ASPSCR1: variants seen among roughly 807,000 people sequenced by gnomAD.
ASPSCR1 encodes the protein ASPSCR1 tether for SLC2A4, UBX domain containing, also known as tether containing UBX domain for GLUT4.
In ASPSCR1, 55 loss-of-function variants were observed where a neutral mutation model predicts 68.9. The observed-to-expected ratio is 0.80, with a 90% confidence interval of 0.64 to 1.00. The LOEUF is 1.00. ASPSCR1 is among the 50% of genes least tolerant of loss of function. The pLI is 0.00. For missense variants in ASPSCR1, 765 were observed against 762.2 expected (o/e 1.00, Z -0.04); for synonymous variants, 352 against 332.6 (o/e 1.06, Z -0.63).
chr17:82,004,740 C>G (rs1477596486), intron 7 of ASPSCR1: 2 of 152,348 alleles, frequency 1.3e-5, no homozygotes, highest in African/African-American at 2.4e-5. Flanking sequence ...CACCCCTGTC[C>G]TCTGAGACCT....
chr17:81,988,806 A>G (rs578132790), intron 4 of ASPSCR1, among the ~76,000 whole-genome samples: 2 of 152,202 alleles, frequency 1.3e-5, no homozygotes, highest in Non-Finnish European at 2.9e-5. Flanking sequence ...CATCCCGGGC[A>G]GGGTTGCAGC....
intron 2 of ASPSCR1, among the ~76,000 whole-genome samples, chr17:81,979,527 C>G (rs1192213494): frequency 6.6e-6 from 1 of 152,208 alleles, no homozygotes; most frequent in African/African-American, 2.4e-5. Flanking sequence ...TTCTCTGTGT[C>G]TCAGGAAGAC....
At chr17:82,009,277 A>G (rs2042829949) in intron 8 of ASPSCR1, 86 bp downstream of exon 8, 2 of 1,471,422 alleles carry the variant, frequency 1.4e-6, no homozygotes, top group Non-Finnish European at 1.8e-6. Flanking sequence ...CCCCAGTGCC[A>G]GCACTGGCTC....
At chr17:81,993,245 G>A (rs1292656824) in intron 4 of ASPSCR1, among the ~76,000 whole-genome samples, 3 of 151,886 alleles carry the variant, frequency 2.0e-5, no homozygotes, top group Non-Finnish European at 4.4e-5. Flanking sequence ...ACGGAGTCTC[G>A]CTCTGTCGCC....
intron 1 of ASPSCR1, chr17:81,978,068 GT>G (rs2041667943): frequency 5.4e-6 from 1 of 184,306 alleles, no homozygotes; most frequent in East Asian, 1.4e-4. Context: ...AGAGGGAGGA[GT>G]GGAGCCCTAG....
chr17:81,996,651 G>C lies in ASPSCR1; in HGVS notation c.738G>C (p.Ser246=), dbSNP rs759475392. The C allele has an allele frequency of 6.2e-7, 1 of 1,612,780 alleles. No homozygotes were observed. ...CAGCTGCCCCCTTTGTTCCTTTCTC[G>C]GGTGGGGGACAGAGACTGGGGGGCC... The part of the protein sequence containing the change: ...APAAAPFVPF[S]GGGQRLGGPP... Residue 246 remains serine (S), a synonymous_variant, in exon 7 of 16, where the codon TCG becomes TCC. Coordinates refer to ENST00000306739, the MANE Select transcript of ASPSCR1 (RefSeq NM_024083.4).
rs74004976 is a variant in ASPSCR1, at chr17:82,016,738, C to T, written c.1406-62C>T. On this transcript the variant is annotated intron_variant, in intron 13 of 15. Coordinates refer to ENST00000306739, the MANE Select transcript of ASPSCR1 (RefSeq NM_024083.4). The stretch of plus-strand genomic sequence containing the variant: ...AGAGCTGAGTGCTGGTGGGCAGATG[C>T]TGGGTGGATGGTGAGTGGACCCCTC... 2.9e-3 allele frequency: 4,540 copies of T among 1,558,396 alleles called. 128 individuals are homozygous for T. The African/African-American group carries it at 0.056, about 19-fold the overall frequency.
At chr17:81,994,042 G>A (rs753298977) in intron 4 of ASPSCR1, among the ~76,000 whole-genome samples, 8 of 152,254 alleles carry the variant, frequency 5.3e-5, no homozygotes, top group Non-Finnish European at 1.2e-4. Flanking sequence ...AGTTGGAAAC[G>A]CAGAGGCAAG....
At position 81,987,509 on chromosome 17, in the gene ASPSCR1, G is replaced by A. The variant is rs1023810301; in HGVS notation, c.374+1902G>A. Among the ~76,000 whole-genome samples the A allele has an allele frequency of 5.9e-5, 9 of 152,190 alleles. No individual in the cohort carries two copies. Among genetic ancestry groups the A allele is most frequent in the African/African-American group, 1.9e-4 (8 of 41,440 alleles). Reference sequence around the variant, plus strand: ...CAGGCACAGGTGCTTGGTGAGGGCCGTCCTCCCTGGCTGTGCTGTCAGTCC... The same window carrying A: ...CAGGCACAGGTGCTTGGTGAGGGCCATCCTCCCTGGCTGTGCTGTCAGTCC... On this transcript the variant is annotated intron_variant, in intron 4 of 15. Coordinates refer to ENST00000306739, the MANE Select transcript of ASPSCR1 (RefSeq NM_024083.4). The surrounding 1 kb of genome is among the most constrained non-coding windows in gnomAD (Gnocchi z 5.6).
chr17:81,997,733 CCCA>C (rs1866143634), intron 7 of ASPSCR1, among the ~76,000 whole-genome samples: 1 of 150,830 alleles, frequency 6.6e-6, no homozygotes, highest in South Asian at 2.1e-4. Context: ...TTGTGATCCA[CCCA>C]CCTCGGCCTC....
intron 4 of ASPSCR1, among the ~76,000 whole-genome samples, chr17:81,989,622 C>G (rs1474981442): frequency 6.6e-6 from 1 of 152,180 alleles, no homozygotes; most frequent in African/African-American, 2.4e-5. Context: ...TGCCCTGGGA[C>G]AGAGCCTGCT....
At chr17:82,016,167 C>T (rs2043118650) in intron 12 of ASPSCR1, 1 of 392,812 alleles carries the variant, frequency 2.5e-6, no homozygotes. Flanking sequence ...CCACCTTCCT[C>T]GGGTGCAGAG....
At chr17:81,995,296 C>G in intron 5 of ASPSCR1, 9 of 325,586 alleles carry the variant, frequency 2.8e-5, no homozygotes, top group East Asian at 5.0e-5. Flanking sequence ...TGGGGGGGCA[C>G]TGGCCCGGAG....
intron 12 of ASPSCR1, chr17:82,016,184 G>A: frequency 2.2e-6 from 1 of 459,042 alleles, no homozygotes; most frequent in Non-Finnish European, 3.9e-6. Context: ...AGAGGCCAGA[G>A]GAGGGAGGAC....
rs1262274587 is a variant in ASPSCR1 at position 81,987,990 on chromosome 17, T to G, written c.374+2383T>G. On this transcript the variant is annotated intron_variant, in intron 4 of 15. Transcript: ENST00000306739. The surrounding 1 kb of genome is among the most constrained non-coding windows in gnomAD (Gnocchi z 5.6). ...CTGGCCAATATGGTGAAACTCCATC[T>G]CTACTAAAAATACAAAAATTAGCCG... Among the ~76,000 whole-genome samples the G allele has an allele frequency of 6.6e-6, 1 of 151,060 alleles. No homozygotes were observed. The highest frequency in any genetic ancestry group is 1.5e-5 in the Non-Finnish European group (1 of 67,864).
intron 12 of ASPSCR1, chr17:82,013,276 A>G (rs2043013225): frequency 1.3e-5 from 2 of 152,216 alleles, no homozygotes; most frequent in African/African-American, 4.8e-5. Flanking sequence ...GTTGATAAAC[A>G]TTGAATTTGG....
At chr17:82,008,931 C>T (rs1401750172) in intron 7 of ASPSCR1, 106 bp from the exon 8 acceptor site, 3 of 1,381,554 alleles carry the variant, frequency 2.2e-6, no homozygotes, top group Non-Finnish European at 2.8e-6. Flanking sequence ...AGGGAGTGGG[C>T]CCAGCTCCCA....
chr17:81,982,431 G>A (rs540776974), intron 2 of ASPSCR1, among the ~76,000 whole-genome samples: 1 of 152,366 alleles, frequency 6.6e-6, no homozygotes, highest in South Asian at 2.1e-4. Flanking sequence ...TGCAGCCGGT[G>A]CAGAGGAATG....
chr17:81,983,253 G>A lies in ASPSCR1; in HGVS notation c.159-301G>A, dbSNP rs772041819. Among the ~76,000 whole-genome samples, 28 of 152,162 alleles carry A rather than the reference G, an allele frequency of 1.8e-4. No individual in the cohort carries two copies. The highest frequency in any genetic ancestry group is 5.8e-4 in the African/African-American group (24 of 41,446). On this transcript the variant is annotated intron_variant, in intron 2 of 15. Transcript: ENST00000306739. This position sits in a 1 kb window ranked among gnomAD's most constrained non-coding sequence, Gnocchi z 4.4. ...CCCAGTCGTTCTCTCTGTGTTTTCC[G>A]AGCGTCTGCACTGGGGCTGTCAGCA... is the stretch of plus-strand genomic sequence containing the variant.
Sources: gnomAD v4.1 joint callset for allele counts (sites outside exome capture counted in the v4.1 genomes callset) on GRCh38, gnomAD v4.1.1 for gene constraint, Gnocchi (gnomAD v3.1) non-coding constraint, MANE v1.5 for transcripts, NCBI Gene and HGNC (gene_info 2026-07-23, HGNC 2026-07-21) for gene names.